PRKG1: variants seen among roughly 807,000 people sequenced by gnomAD.
PRKG1 encodes the protein protein kinase cGMP-dependent 1.
Under a neutral mutation model 88.1 loss-of-function variants are expected in PRKG1, and 35 were observed. That is an observed-to-expected ratio of 0.40 (90% CI 0.30 to 0.53). The LOEUF (loss-of-function observed/expected upper bound fraction) is 0.53. Ranked by LOEUF, PRKG1 falls within the 20% of genes least tolerant of loss-of-function variation. PRKG1 has a pLI of 0.59. For missense variants in PRKG1, 540 were observed against 839.8 expected (o/e 0.64, Z 4.41); for synonymous variants, 303 against 292.5 (o/e 1.04, Z -0.37).
At chr10:51,330,138 TTTATTTA>T (rs1332316690) in intron 2 of PRKG1, among the ~76,000 whole-genome samples, 3 of 134,238 alleles carry the variant, frequency 2.2e-5, no homozygotes, top group Admixed American at 7.5e-5. Flanking sequence ...TATTTATTTA[TTTATTTA>T]TTTTTTATTT....
In PRKG1 at chr10:51,635,956, G is replaced by A. The variant is rs117406316; in HGVS notation, c.592+168120G>A. On this transcript the variant is annotated intron_variant, in intron 3 of 17. Coordinates refer to ENST00000373980, the MANE Select transcript of PRKG1 (RefSeq NM_006258.4). ...AAAAATGAATTCCTATAAGGCTACT[G>A]AAACAAATTCATCATAAAGTAAAGG... Among the ~76,000 whole-genome samples, 101 of 152,238 alleles carry A rather than the reference G, an allele frequency of 6.6e-4. 1 individual carries two copies. The East Asian group carries it at 0.018, about 28-fold the overall frequency.
intron 9 of PRKG1, among the ~76,000 whole-genome samples, chr10:52,203,720 G>A (rs1339904470): frequency 6.6e-6 from 1 of 152,186 alleles, no homozygotes; most frequent in Non-Finnish European, 1.5e-5. Flanking sequence ...GTATATTTAG[G>A]AGAGTTAAGT....
rs918297672 is a variant in PRKG1 at position 51,947,473 on chromosome 10, T to G, written c.762+39903T>G. 2.9e-3 allele frequency among the ~76,000 whole-genome samples: 447 copies of G among 152,228 alleles called. 2 individuals are homozygous for G. The highest frequency in any genetic ancestry group is 0.01 in the African/African-American group (420 of 41,542). The stretch of plus-strand genomic sequence containing the variant: ...CGCGCATGGTGCGCTGCACCCACTG[T>G]CTTCCGCCCACTGTCTGGCACTCCC... On this transcript the variant is annotated intron_variant, in intron 5 of 17. Coordinates refer to ENST00000373980, the MANE Select transcript of PRKG1 (RefSeq NM_006258.4).
chr10:51,802,718 T>G (rs1283466652), intron 3 of PRKG1, among the ~76,000 whole-genome samples: 1 of 151,996 alleles, frequency 6.6e-6, no homozygotes, highest in Non-Finnish European at 1.5e-5. Context: ...GGGAGAGAGA[T>G]AACAATATTA....
At chr10:51,827,350 C>T (rs1286694549) in intron 4 of PRKG1, among the ~76,000 whole-genome samples, 1 of 152,036 alleles carries the variant, frequency 6.6e-6, no homozygotes, top group African/African-American at 2.4e-5. Flanking sequence ...AAAATAATAT[C>T]TAGATTTCAT....
rs117716419 is a variant in PRKG1 at position 51,893,573 on chromosome 10, G to C, written c.699-13934G>C. ...AACCACTGTTGCTTCATTGCATTTG[G>C]CTTTATTGCATATAGTCCTTCAATC... On this transcript the variant is annotated intron_variant, in intron 4 of 17. Transcript: ENST00000373980. Among the ~76,000 whole-genome samples the C allele has an allele frequency of 4.7e-3, 718 of 152,160 alleles. 2 individuals carry two copies. Among genetic ancestry groups the C allele is most frequent in the Non-Finnish European group, 8.1e-3 (550 of 68,014 alleles).
chr10:51,698,658 C>T (rs1328063541), intron 3 of PRKG1: 1 of 1,614,200 alleles, frequency 6.2e-7, no homozygotes. Context: ...TCTAAAGGCA[C>T]TGGGCCAACC....
At chr10:51,613,353 A>G (rs1441903344) in intron 3 of PRKG1, among the ~76,000 whole-genome samples, 3 of 151,716 alleles carry the variant, frequency 2.0e-5, no homozygotes, top group South Asian at 2.1e-4. Flanking sequence ...TTTCTATGGT[A>G]CCAGTTGCAA....
At chr10:51,023,945 A>C (rs1843169934) in intron 1 of PRKG1, among the ~76,000 whole-genome samples, 1 of 152,214 alleles carries the variant, frequency 6.6e-6, no homozygotes, top group South Asian at 2.1e-4. Flanking sequence ...GCAAGCTTTA[A>C]GCATTCTATT....
At chr10:51,409,508 G>A (rs1838017094) in intron 2 of PRKG1, among the ~76,000 whole-genome samples, 1 of 152,080 alleles carries the variant, frequency 6.6e-6, no homozygotes, top group Non-Finnish European at 1.5e-5. Context: ...ATGACCCATA[G>A]TCTAACATTT....
At chr10:51,355,533 T>C (rs901035567) in intron 2 of PRKG1, among the ~76,000 whole-genome samples, 3 of 152,076 alleles carry the variant, frequency 2.0e-5, no homozygotes, top group Admixed American at 6.6e-5. Context: ...AAAGCTTTTA[T>C]TGTTGCTTTT....
chr10:51,813,156 A>G (rs1012876775), intron 4 of PRKG1, among the ~76,000 whole-genome samples: 1 of 152,254 alleles, frequency 6.6e-6, no homozygotes. Context: ...TAAGCATAAA[A>G]TAAACAGCAA....
chr10:52,003,112 G>C (rs1844642224), intron 5 of PRKG1, among the ~76,000 whole-genome samples: 1 of 152,222 alleles, frequency 6.6e-6, no homozygotes, highest in East Asian at 1.9e-4. Flanking sequence ...TTCCATCCCG[G>C]TATCATTCTT....
At chr10:51,251,040 T>C (rs1263786818) in intron 2 of PRKG1, among the ~76,000 whole-genome samples, 2 of 151,802 alleles carry the variant, frequency 1.3e-5, no homozygotes, top group Non-Finnish European at 2.9e-5. Flanking sequence ...TGAATGTTTA[T>C]TGTGATATTA....
chr10:51,589,315 G>T (rs1286466540), intron 3 of PRKG1, among the ~76,000 whole-genome samples: 3 of 152,066 alleles, frequency 2.0e-5, no homozygotes, highest in African/African-American at 7.2e-5. Context: ...AAATTTTGTT[G>T]CAATATCTAA....
chr10:52,105,278 CT>C (rs1369499348), intron 7 of PRKG1, among the ~76,000 whole-genome samples: 2 of 151,972 alleles, frequency 1.3e-5, no homozygotes, highest in Non-Finnish European at 1.5e-5. Flanking sequence ...TATATGATGT[CT>C]GTAAAAATAC....
intron 3 of PRKG1, among the ~76,000 whole-genome samples, chr10:51,535,696 A>G (rs895408197): frequency 6.6e-6 from 1 of 151,172 alleles, no homozygotes; most frequent in Non-Finnish European, 1.5e-5. Context: ...TTTTTTAAAG[A>G]TTAAAAAGAA....
chr10:52,246,503 T>G (rs1440664490), intron 9 of PRKG1, among the ~76,000 whole-genome samples: 2 of 152,130 alleles, frequency 1.3e-5, no homozygotes, highest in Non-Finnish European at 2.9e-5. Context: ...CTTTGGTGAA[T>G]AAACAGAAAT....
At chr10:50,995,823 T>G (rs1458067393) in intron 1 of PRKG1, among the ~76,000 whole-genome samples, 1 of 152,156 alleles carries the variant, frequency 6.6e-6, no homozygotes, top group Non-Finnish European at 1.5e-5. Flanking sequence ...CACATTTGAG[T>G]TATTCTTGTC....
Sources: gnomAD v4.1 joint callset for allele counts (sites outside exome capture counted in the v4.1 genomes callset) on GRCh38, gnomAD v4.1.1 for gene constraint, MANE v1.5 for transcripts, NCBI Gene and HGNC (gene_info 2026-07-23, HGNC 2026-07-21) for gene names.